MDFIC: variants seen among roughly 807,000 people sequenced by gnomAD.
MDFIC encodes MyoD family inhibitor domain containing.
MDFIC carries 17 observed loss-of-function variants against 23.2 expected under a neutral mutation model. The ratio of observed to expected loss-of-function variants is 0.73; its 90% CI spans 0.50 to 1.10. The LOEUF (loss-of-function observed/expected upper bound fraction) is 1.10. Ranked by LOEUF, MDFIC falls within the 50% of genes least tolerant of loss-of-function variation. The pLI, the probability that MDFIC is intolerant of heterozygous loss-of-function variation, is 0.00. For missense variants in MDFIC, 356 were observed against 316.6 expected (o/e 1.12, Z -0.95); for synonymous variants, 120 against 115.2 (o/e 1.04, Z -0.27).
intron 2 of MDFIC, among the ~76,000 whole-genome samples, chr7:114,939,044 C>G (rs1792489038): frequency 1.3e-5 from 2 of 152,166 alleles, no homozygotes; most frequent in South Asian, 4.1e-4. Flanking sequence ...AATTATCTAT[C>G]AATAAATCCT....
At chr7:115,007,793 G>A (rs189748405) in intron 4 of MDFIC, among the ~76,000 whole-genome samples, 1,661 of 147,854 alleles carry the variant, frequency 0.011, 20 homozygotes, top group Non-Finnish European at 0.019. Flanking sequence ...TCCCAGCTTA[G>A]CACCCCCACC....
chr7:114,957,627 T>A (rs1321440539), intron 3 of MDFIC, among the ~76,000 whole-genome samples: 2 of 152,178 alleles, frequency 1.3e-5, no homozygotes, highest in Non-Finnish European at 2.9e-5. Context: ...ATGTGGATGT[T>A]AAAATAAATT....
intron 2 of MDFIC, among the ~76,000 whole-genome samples, chr7:114,937,921 A>C (rs969690684): frequency 6.6e-6 from 1 of 152,164 alleles, no homozygotes; most frequent in Non-Finnish European, 1.5e-5. Flanking sequence ...TCCCATTATT[A>C]GTAGAATTGA....
intron 4 of MDFIC, among the ~76,000 whole-genome samples, chr7:115,007,001 T>A (rs1791583105): frequency 6.6e-6 from 1 of 152,176 alleles, no homozygotes; most frequent in South Asian, 2.1e-4. Context: ...TTATTATTTT[T>A]AAATCTTCTG....
intron 2 of MDFIC, among the ~76,000 whole-genome samples, chr7:114,927,683 C>A (rs551439252): frequency 1.3e-5 from 2 of 152,126 alleles, no homozygotes; most frequent in Admixed American, 1.3e-4. Flanking sequence ...CAACATATGG[C>A]AAAACAAGGA....
chr7:115,002,563 GGCCATCTCATTTTGGT>G (rs1791485823), intron 4 of MDFIC, among the ~76,000 whole-genome samples: 1 of 152,166 alleles, frequency 6.6e-6, no homozygotes, highest in African/African-American at 2.4e-5. Context: ...TTTCCACAGT[GGCCATCTCATTTTGGT>G]GCTGTTCTTT....
chr7:114,958,058 T>C (rs1792916217), intron 3 of MDFIC, among the ~76,000 whole-genome samples: 1 of 152,200 alleles, frequency 6.6e-6, no homozygotes, highest in Non-Finnish European at 1.5e-5. Flanking sequence ...AACTTATCAT[T>C]GTGAAATAAA....
At chr7:114,982,802 C>A (rs1164609264) in intron 4 of MDFIC, among the ~76,000 whole-genome samples, 3 of 152,182 alleles carry the variant, frequency 2.0e-5, no homozygotes, top group Non-Finnish European at 4.4e-5. Context: ...AAGGTGCTGG[C>A]AGGTTAGGTT....
At chr7:114,973,496 T>C (rs1363314588) in intron 3 of MDFIC, among the ~76,000 whole-genome samples, 4 of 152,158 alleles carry the variant, frequency 2.6e-5, no homozygotes, top group Non-Finnish European at 5.9e-5. Flanking sequence ...CGTAGATACA[T>C]ACCTGAACCT....
chr7:115,008,485 C>G (rs1421858344), intron 4 of MDFIC, among the ~76,000 whole-genome samples: 1 of 152,194 alleles, frequency 6.6e-6, no homozygotes, highest in Non-Finnish European at 1.5e-5. Flanking sequence ...TGACTGGATT[C>G]TGGCTAAGAT....
intron 3 of MDFIC, among the ~76,000 whole-genome samples, chr7:114,952,214 T>C (rs942555110): frequency 6.6e-6 from 1 of 152,216 alleles, no homozygotes; most frequent in East Asian, 1.9e-4. Context: ...GAATCTTGTA[T>C]AGCTATGTGA....
chr7:114,989,124 C>G (rs986527996), intron 4 of MDFIC, among the ~76,000 whole-genome samples: 1 of 152,120 alleles, frequency 6.6e-6, no homozygotes, highest in Non-Finnish European at 1.5e-5. Flanking sequence ...GGACGATTAT[C>G]TGGCTGAGAG....
At chr7:114,935,390 T>C (rs2115727246) in intron 2 of MDFIC, among the ~76,000 whole-genome samples, 1 of 152,266 alleles carries the variant, frequency 6.6e-6, no homozygotes, top group East Asian at 1.9e-4. Flanking sequence ...GTTATACTCC[T>C]TTTTATAAGA....
At chr7:115,013,907 G>A in intron 4 of MDFIC, 1 of 818,056 alleles carries the variant, frequency 1.2e-6, no homozygotes, top group Non-Finnish European at 1.5e-6. Flanking sequence ...GTTACTACCA[G>A]AAATCAATAT....
chr7:114,926,172 A>G (rs567860143), intron 2 of MDFIC, among the ~76,000 whole-genome samples: 2 of 152,302 alleles, frequency 1.3e-5, no homozygotes, highest in East Asian at 1.9e-4. Context: ...TAGAACTCCT[A>G]TAATCCAAAG....
intron 4 of MDFIC, among the ~76,000 whole-genome samples, chr7:114,982,181 T>A (rs1435412538): frequency 1.3e-5 from 2 of 152,194 alleles, no homozygotes; most frequent in Non-Finnish European, 2.9e-5. Context: ...TAAAACCTGA[T>A]GTGCAGAATG....
Position 114,988,403 on chromosome 7 carries a change from A to AT in MDFIC, c.493+8629dup, listed in dbSNP as rs960693137. 4.6e-5 allele frequency among the ~76,000 whole-genome samples: 7 copies of AT among 152,236 alleles called. No homozygotes were observed. The South Asian group carries it at 6.2e-4, about 14-fold the overall frequency. On this transcript the variant is annotated intron_variant, in intron 4 of 4. Coordinates refer to ENST00000393486, the MANE Select transcript of MDFIC (RefSeq NM_001166345.3). ...TAGTACAGTGATGAAATGTTAGGTGATTTTTTTAGGTCAAACATAATATGT... is the reference window on the plus strand; with the variant it reads ...TAGTACAGTGATGAAATGTTAGGTGATTTTTTTTAGGTCAAACATAATATGT...
At chr7:114,937,914 C>T (rs1386965960) in intron 2 of MDFIC, among the ~76,000 whole-genome samples, 1 of 152,018 alleles carries the variant, frequency 6.6e-6, no homozygotes, top group Non-Finnish European at 1.5e-5. Context: ...TCTTTTATCC[C>T]ATTATTAGTA....
intron 4 of MDFIC, among the ~76,000 whole-genome samples, chr7:114,995,588 G>T (rs1791306870): frequency 6.6e-6 from 1 of 152,232 alleles, no homozygotes; most frequent in South Asian, 2.1e-4. Context: ...CTGCAGGTCT[G>T]TTGGAGTTTG....
Sources: allele counts gnomAD v4.1 joint callset (sites outside exome capture counted in the v4.1 genomes callset), GRCh38; gene constraint gnomAD v4.1.1; transcripts MANE v1.5; gene names NCBI Gene and HGNC (gene_info 2026-07-23, HGNC 2026-07-21).